The following SNX30 variants were observed in gnomAD, a reference collection of about 807,000 sequenced individuals.
The protein encoded by SNX30 is sorting nexin family member 30, also known as sorting nexin-30.
SNX30 carries 24 observed loss-of-function variants against 46.4 expected under a neutral mutation model. The observed-to-expected ratio is 0.52, with a 90% CI of 0.37 to 0.73. The LOEUF (loss-of-function observed/expected upper bound fraction) is 0.73, where lower values mean the gene tolerates loss of function less well. Ranked by LOEUF, SNX30 falls within the 30% of genes least tolerant of loss-of-function variation. The probability of loss-of-function intolerance (pLI) is 0.00; values close to 1 mark genes in which losing one functional copy is unlikely to be tolerated. For missense variants in SNX30, 533 were observed against 555.7 expected, an observed-to-expected ratio of 0.96 and a Z score of 0.41; for synonymous variants, 189 against 211.5, an observed-to-expected ratio of 0.89 and a Z score of 0.92.
At chr9:112,795,765 T>TCACACACA (rs1554751568) in intron 1 of SNX30, among the ~76,000 whole-genome samples, 6,741 of 123,226 alleles carry the variant, frequency 0.055, 190 homozygotes, top group Non-Finnish European at 0.064. Flanking sequence ...CACAGTACAG[T>TCACACACA]CACACACACA....
chr9:112,858,553 G>A (rs1248412662), intron 7 of SNX30, among the ~76,000 whole-genome samples: 1 of 152,140 alleles, frequency 6.6e-6, no homozygotes, highest in Non-Finnish European at 1.5e-5. Context: ...AATGCTTAGT[G>A]TTACTGGTCA....
chr9:112,760,406 A>T (rs1839417150), intron 1 of SNX30, among the ~76,000 whole-genome samples: 1 of 152,182 alleles, frequency 6.6e-6, no homozygotes, highest in Admixed American at 6.5e-5. Flanking sequence ...TAACATCAAT[A>T]TCTTTTATTA....
chr9:112,782,120 G>A (rs1839855495), intron 1 of SNX30, among the ~76,000 whole-genome samples: 1 of 152,186 alleles, frequency 6.6e-6, no homozygotes, highest in Admixed American at 6.5e-5. Flanking sequence ...AGGCTGGAGT[G>A]CAATGGTGCA....
intron 1 of SNX30, among the ~76,000 whole-genome samples, chr9:112,784,775 A>G (rs1167050378): frequency 6.6e-6 from 1 of 152,202 alleles, no homozygotes; most frequent in Non-Finnish European, 1.5e-5. Context: ...GTCTCTTGCC[A>G]TCCTGCCAAG....
intron 6 of SNX30, among the ~76,000 whole-genome samples, chr9:112,840,744 G>A (rs539920743): frequency 2.6e-5 from 4 of 151,552 alleles, no homozygotes; most frequent in Admixed American, 2.6e-4. Context: ...CTCCCAAAGT[G>A]CTGGGATTAC....
At chr9:112,880,646 G>A (rs912087985) in intron 5 of SNX30, among the ~76,000 whole-genome samples, 5 of 152,160 alleles carry the variant, frequency 3.3e-5, no homozygotes, top group South Asian at 2.1e-4. Context: ...GCTGTATATC[G>A]TTAAACACTT....
chr9:112,857,321 A>G (rs1841150198), intron 7 of SNX30, among the ~76,000 whole-genome samples: 1 of 152,122 alleles, frequency 6.6e-6, no homozygotes, highest in Admixed American at 6.5e-5. Context: ...GCCCAATTCC[A>G]TGGCCTCTTT....
chr9:112,824,261 A>G (rs1041376356), intron 3 of SNX30, among the ~76,000 whole-genome samples: 3 of 152,236 alleles, frequency 2.0e-5, no homozygotes, highest in Non-Finnish European at 2.9e-5. Flanking sequence ...AGTACTAAGT[A>G]CTATCTAATA....
intron 6 of SNX30, among the ~76,000 whole-genome samples, chr9:112,850,113 G>A (rs1564290945): frequency 6.6e-6 from 1 of 152,208 alleles, no homozygotes; most frequent in South Asian, 2.1e-4. Flanking sequence ...AAGAGGGAGT[G>A]TCTCCTTACA....
chr9:112,847,180 C>A (rs748732215), intron 6 of SNX30, among the ~76,000 whole-genome samples: 8 of 152,094 alleles, frequency 5.3e-5, no homozygotes, highest in Non-Finnish European at 8.8e-5. Context: ...TATTGTTTAG[C>A]CTTTTTATTA....
rs916856518 is a variant in SNX30 at position 112,838,615 on chromosome 9, C to T, written c.932C>T (p.Ala311Val). 3 of 1,614,156 alleles carry T rather than the reference C, an allele frequency of 1.9e-6. No individual in the cohort carries two copies. ...GCTTGCATTGGGAACTGCTCTACAG[C>T]CTTAGAAGAGCTGACAGATGACATG... is the stretch of plus-strand genomic sequence containing the variant. The part of the protein sequence containing the change: ...VSACIGNCST[A>V]LEELTDDMTE... The change falls in exon 6 of 9, where the codon GCC (alanine) becomes GTC (valine). Residue 311 changes from alanine (A) to valine (V), a missense_variant. Physicochemically the swap from Ala to Val is moderately conservative, Grantham distance 64. Coordinates refer to ENST00000374232, the MANE Select transcript of SNX30 (RefSeq NM_001012994.2).
chr9:112,835,651 T>A (rs1214229387), intron 4 of SNX30, among the ~76,000 whole-genome samples: 1 of 152,144 alleles, frequency 6.6e-6, no homozygotes, highest in African/African-American at 2.4e-5. Context: ...TACAATGGGT[T>A]ATGAAACTCA....
At chr9:112,850,337 C>T (rs1841002583) in intron 6 of SNX30, among the ~76,000 whole-genome samples, 1 of 152,246 alleles carries the variant, frequency 6.6e-6, no homozygotes. Flanking sequence ...TCTCTCTGCT[C>T]TTTCTATACC....
intron 3 of SNX30, among the ~76,000 whole-genome samples, chr9:112,828,307 T>A (rs1364469265): frequency 2.6e-5 from 4 of 152,004 alleles, no homozygotes; most frequent in Non-Finnish European, 5.9e-5. Context: ...TACTTGCCAT[T>A]GTGTTACAAT....
intron 1 of SNX30, among the ~76,000 whole-genome samples, chr9:112,764,105 G>A (rs1317301025): frequency 6.6e-6 from 1 of 152,194 alleles, no homozygotes; most frequent in Non-Finnish European, 1.5e-5. Context: ...GTGAGACCTT[G>A]CTTTGGAGGA....
intron 6 of SNX30, among the ~76,000 whole-genome samples, chr9:112,841,818 G>A (rs766847173): frequency 3.9e-5 from 6 of 152,074 alleles, no homozygotes; most frequent in Non-Finnish European, 7.4e-5. Context: ...TTCTTCCTCC[G>A]AGAGAGTCAT....
At chr9:112,758,781 C>T (rs1839392596) in intron 1 of SNX30, among the ~76,000 whole-genome samples, 2 of 152,092 alleles carry the variant, frequency 1.3e-5, no homozygotes. Context: ...GAGGCCAAGG[C>T]AGGAACATTG....
At chr9:112,814,020 AGAAAAT>A (rs1840359859) in intron 2 of SNX30, among the ~76,000 whole-genome samples, 1 of 152,198 alleles carries the variant, frequency 6.6e-6, no homozygotes, top group Admixed American at 6.5e-5. Context: ...TAACTAGAAA[AGAAAAT>A]CATAGAGACT....
Position 112,834,882 on chromosome 9 carries a change from A to ACACACACACACACACACACACACC in SNX30, c.619-1331_619-1330insACACACACACACACACACACACCC, listed in dbSNP as rs56385707. Among the ~76,000 whole-genome samples, 153 of 105,326 alleles carry ACACACACACACACACACACACACC rather than the reference A, an allele frequency of 1.5e-3. 3 individuals are homozygous for ACACACACACACACACACACACACC. Among genetic ancestry groups the ACACACACACACACACACACACACC allele is most frequent in the African/African-American group, 3.7e-3 (126 of 33,764 alleles). 69.1% of individuals were successfully genotyped at this position (105,326 alleles called of 152,430 possible). Reference sequence around the variant, plus strand: ...CACACACACACACACACACACACACACCTACCTCAATAGGAAAGGCTGGAT... The same window carrying ACACACACACACACACACACACACC: ...CACACACACACACACACACACACACACACACACACACACACACACACACCCCTACCTCAATAGGAAAGGCTGGAT... On this transcript the variant is annotated intron_variant, in intron 4 of 8. Transcript: ENST00000374232.
Sources: allele counts gnomAD v4.1 joint callset (sites outside exome capture counted in the v4.1 genomes callset), GRCh38; gene constraint gnomAD v4.1.1; transcripts MANE v1.5; gene names NCBI Gene and HGNC (gene_info 2026-07-23, HGNC 2026-07-21).